Variants in SHANK2 observed in about 807,000 individuals in gnomAD.
The protein encoded by SHANK2 is SH3 and multiple ankyrin repeat domains 2, also known as SH3 and multiple ankyrin repeat domains protein 2.
SHANK2 carries 43 observed loss-of-function variants against 133.7 expected under a neutral mutation model. The ratio of observed to expected loss-of-function variants is 0.32; its 90% CI spans 0.25 to 0.41. The LOEUF is 0.41. SHANK2 is among the 10% of genes least tolerant of loss of function. The pLI is 1.00. For synonymous variants in SHANK2, 1,017 were observed against 952.8 expected (o/e 1.07, Z -1.24); for missense variants, 1,994 against 2,235.8 (o/e 0.89, Z 2.18).
At chr11:70,921,083 G>A (rs1036419613) in intron 10 of SHANK2, among the ~76,000 whole-genome samples, 2 of 152,186 alleles carry the variant, frequency 1.3e-5, no homozygotes, top group African/African-American at 2.4e-5. Flanking sequence ...CAATGACTAT[G>A]AGGTCATGTC....
chr11:70,531,326 G>T (rs2059467238), intron 17 of SHANK2, among the ~76,000 whole-genome samples: 1 of 152,258 alleles, frequency 6.6e-6, no homozygotes, highest in African/African-American at 2.4e-5. Flanking sequence ...ATCCATCTGT[G>T]CTGGGGGCTG....
In SHANK2 at chr11:70,798,469, T is replaced by C. The variant is rs1947968040; in HGVS notation, c.1751A>G (p.Gln584Arg). The C allele has an allele frequency of 1.4e-6, 1 of 718,352 alleles. No homozygotes were observed. Among genetic ancestry groups the C allele is most frequent in the African/African-American group, 1.7e-5 (1 of 57,256 alleles). 44.5% of individuals were successfully genotyped at this position (718,352 alleles called of 1,614,324 possible). ...WFPAECVEEV[Q>R]CKPRDSQAET... is the part of the protein sequence containing the mutation. ...TGCCTGGCTGTCCCTGGGCTTACAC[T>C]GGACCTCCTCCACGCACTCCGCCGG... The change falls in exon 14 of 26, where the codon CAG becomes CGG. Residue 584 changes from glutamine (Q) to arginine (R), a missense_variant. Gln to Arg is a conservative substitution (Grantham distance 43). This residue lies in a region of SHANK2 where 653 missense variants were observed against 563.4 expected (regional missense o/e 1.16). Coordinates refer to ENST00000601538, the MANE Select transcript of SHANK2 (RefSeq NM_012309.5).
Position 70,504,898 on chromosome 11 carries a change from G to C in SHANK2, c.2062-1967C>G, listed in dbSNP as rs554444090. ...TATCGGGTTCTCTCCCCTCCCATGA[G>C]CACACCCGGGTAGTGGCTGTTGCTC... is the stretch of plus-strand genomic sequence containing the variant. On this transcript the variant is annotated intron_variant, in intron 17 of 25. Coordinates refer to ENST00000601538, the MANE Select transcript of SHANK2 (RefSeq NM_012309.5). 2.0e-5 allele frequency among the ~76,000 whole-genome samples: 3 copies of C among 152,212 alleles called. No individual in the cohort carries two copies. The South Asian group carries it at 6.2e-4, about 32-fold the overall frequency.
chr11:70,875,599 G>A (rs1039980390), intron 11 of SHANK2, among the ~76,000 whole-genome samples: 3 of 151,994 alleles, frequency 2.0e-5, no homozygotes, highest in Non-Finnish European at 4.4e-5. Flanking sequence ...GGTGACTCAC[G>A]CCTGCAATCC....
chr11:71,094,700 A>G lies in SHANK2; in HGVS notation c.593-12T>C. 6.4e-7 allele frequency: 1 copy of G among 1,551,092 alleles called. No homozygotes were observed. The highest frequency in any genetic ancestry group is 1.2e-5 in the South Asian group (1 of 84,014). On this transcript the variant is annotated splice_polypyrimidine_tract_variant and intron_variant, in intron 6 of 25. Coordinates refer to ENST00000601538, the MANE Select transcript of SHANK2 (RefSeq NM_012309.5). ...GGTCAGGGGGGTCTCTGAGGAACCCAAACACACACACTTTAGAACCAACAT... is the reference window on the plus strand; with the variant it reads ...GGTCAGGGGGGTCTCTGAGGAACCCGAACACACACACTTTAGAACCAACAT...
At chr11:70,612,002 C>A (rs2136391098) in intron 17 of SHANK2, among the ~76,000 whole-genome samples, 1 of 152,006 alleles carries the variant, frequency 6.6e-6, no homozygotes, top group South Asian at 2.1e-4. Flanking sequence ...ACTGGGAAGG[C>A]ATCACAGAAG....
chr11:70,948,422 C>T, intron 10 of SHANK2: 3 of 455,840 alleles, frequency 6.6e-6, no homozygotes, highest in South Asian at 3.1e-5. Flanking sequence ...GAATTCGATC[C>T]CTGATTACTT....
chr11:70,742,728 C>A (rs1175575198), intron 14 of SHANK2, among the ~76,000 whole-genome samples: 1 of 152,248 alleles, frequency 6.6e-6, no homozygotes, highest in Non-Finnish European at 1.5e-5. Context: ...ACAGCCACCC[C>A]ACTGGGCAGC....
chr11:70,671,510 G>A (rs574692399), intron 15 of SHANK2, among the ~76,000 whole-genome samples: 2 of 152,358 alleles, frequency 1.3e-5, no homozygotes, highest in African/African-American at 2.4e-5. Context: ...GCAGGGGCTG[G>A]AAGGCTATTA....
chr11:70,660,030 C>A, intron 16 of SHANK2, 78 bp from the exon 17 acceptor site: 7 of 1,592,102 alleles, frequency 4.4e-6, no homozygotes, highest in Non-Finnish European at 6.0e-6. Flanking sequence ...CCCCACAGGA[C>A]CCCGGGAGGA....
intron 17 of SHANK2, among the ~76,000 whole-genome samples, chr11:70,529,942 G>A (rs762139212): frequency 3.3e-5 from 5 of 152,094 alleles, no homozygotes; most frequent in South Asian, 2.1e-4. Context: ...TACCAGTTAC[G>A]ACCATTTATG....
intron 14 of SHANK2, among the ~76,000 whole-genome samples, chr11:70,779,943 G>A (rs1947446414): frequency 6.6e-6 from 1 of 152,094 alleles, no homozygotes; most frequent in African/African-American, 2.4e-5. Context: ...CATTCAGGTC[G>A]GTCCCATCAG....
intron 6 of SHANK2, among the ~76,000 whole-genome samples, chr11:71,106,346 A>T (rs1324101471): frequency 6.6e-6 from 1 of 152,234 alleles, no homozygotes; most frequent in Non-Finnish European, 1.5e-5. Flanking sequence ...TCACGCCTGT[A>T]ATCCAAACAC....
chr11:70,720,781 CA>C (rs1330880326), intron 14 of SHANK2, among the ~76,000 whole-genome samples: 2 of 152,230 alleles, frequency 1.3e-5, no homozygotes, highest in Non-Finnish European at 2.9e-5. Flanking sequence ...CACCGGCATG[CA>C]CAATGCACAC....
At chr11:70,512,487 T>C (rs2059216904) in intron 17 of SHANK2, among the ~76,000 whole-genome samples, 1 of 152,264 alleles carries the variant, frequency 6.6e-6, no homozygotes, top group Non-Finnish European at 1.5e-5. Flanking sequence ...ACTTCATCTT[T>C]TCCTGTACAT....
chr11:70,881,909 G>A (rs782308017), intron 11 of SHANK2, among the ~76,000 whole-genome samples: 1 of 151,674 alleles, frequency 6.6e-6, no homozygotes, highest in Non-Finnish European at 1.5e-5. Flanking sequence ...ATAGGGTCTT[G>A]CTAAGTTGCC....
intron 2 of SHANK2, among the ~76,000 whole-genome samples, chr11:71,210,210 G>GTATATA (rs71049962): frequency 0.015 from 821 of 53,688 alleles, 13 homozygotes; most frequent in Non-Finnish European, 0.019. Context: ...AAATCCACAG[G>GTATATA]TATATATATA....
intron 17 of SHANK2, among the ~76,000 whole-genome samples, chr11:70,650,382 T>C (rs535791979): frequency 1.3e-5 from 2 of 152,324 alleles, no homozygotes; most frequent in Non-Finnish European, 1.5e-5. Context: ...GGGGACATGC[T>C]GAGGGCTTTC....
chr11:70,677,478 T>A (rs781936568), intron 15 of SHANK2, among the ~76,000 whole-genome samples: 2 of 152,178 alleles, frequency 1.3e-5, no homozygotes, highest in Non-Finnish European at 2.9e-5. Flanking sequence ...TGACCTTCCA[T>A]GACACCACTG....
Sources: gnomAD v4.1 joint callset for allele counts (sites outside exome capture counted in the v4.1 genomes callset) on GRCh38, gnomAD v4.1.1 for gene constraint, gnomAD v4.1.1 regional missense constraint, MANE v1.5 for transcripts, NCBI Gene and HGNC (gene_info 2026-07-23, HGNC 2026-07-21) for gene names.